The following ADAMTS18 variants were observed in gnomAD, a reference collection of about 807,000 sequenced individuals.
ADAMTS18 encodes the protein A disintegrin and metalloproteinase with thrombospondin motifs 18.
Under a neutral mutation model 165.9 loss-of-function variants are expected in ADAMTS18, and 157 were observed. That is an observed-to-expected ratio of 0.95 (90% CI 0.83 to 1.08). The LOEUF (loss-of-function observed/expected upper bound fraction) is 1.08. ADAMTS18 is among the 50% of genes least tolerant of loss of function. The pLI is 0.00. For missense variants in ADAMTS18, 2,040 were observed against 1,534.0 expected, an observed-to-expected ratio of 1.33 and a Z score of -5.51; for synonymous variants, 782 against 578.2, an observed-to-expected ratio of 1.35 and a Z score of -5.06.
chr16:77,396,653 C>A (rs1489308470), intron 3 of ADAMTS18, among the ~76,000 whole-genome samples: 1 of 152,140 alleles, frequency 6.6e-6, no homozygotes, highest in Non-Finnish European at 1.5e-5. Context: ...CAGGGGAAAT[C>A]CAAATTCCAA....
intron 12 of ADAMTS18, among the ~76,000 whole-genome samples, chr16:77,330,720 T>C (rs1222434284): frequency 6.6e-6 from 1 of 151,842 alleles, no homozygotes; most frequent in Non-Finnish European, 1.5e-5. Context: ...CAGATAGCAG[T>C]CAACAAAAAA....
intron 16 of ADAMTS18, among the ~76,000 whole-genome samples, chr16:77,317,556 A>G (rs2055910344): frequency 6.6e-6 from 1 of 152,106 alleles, no homozygotes; most frequent in South Asian, 2.1e-4. Context: ...CTGGTCTCGA[A>G]CTCCTGGCCT....
At chr16:77,359,587 G>A (rs1051478277) in intron 7 of ADAMTS18, among the ~76,000 whole-genome samples, 164 bp from the exon 8 acceptor site, 1 of 149,242 alleles carries the variant, frequency 6.7e-6, no homozygotes, top group Non-Finnish European at 1.5e-5. Context: ...TCTTTGTCCT[G>A]TGTAATGATA....
chr16:77,351,916 TAA>T (rs1167626413), intron 10 of ADAMTS18, among the ~76,000 whole-genome samples: 6 of 152,094 alleles, frequency 3.9e-5, no homozygotes, highest in African/African-American at 1.4e-4. Flanking sequence ...TTATTTTTTG[TAA>T]AGAGAGGGTC....
chr16:77,293,139 G>C lies in ADAMTS18; in HGVS notation c.3126C>G (p.Gly1042=). 1 of 1,613,998 alleles carries C rather than the reference G, an allele frequency of 6.2e-7. No individual in the cohort carries two copies. The highest frequency in any genetic ancestry group is 8.5e-7 in the Non-Finnish European group (1 of 1,179,984). Residue 1042 remains glycine (G), a synonymous_variant, in exon 20 of 23, where the codon GGC becomes GGG. Coordinates refer to ENST00000282849, the MANE Select transcript of ADAMTS18 (RefSeq NM_199355.4). ...TCTTGGGGCATCGTCCAAGCACACA[G>C]CCCTCCTGCAGCTCAGGTCTGGGGA... ...TSLPRPELQE[G]CVLGRCPKNS...
intron 3 of ADAMTS18, among the ~76,000 whole-genome samples, chr16:77,374,304 GGAAACCAGAC>G (rs1363241629): frequency 5.9e-5 from 9 of 151,978 alleles, no homozygotes; most frequent in Admixed American, 5.9e-4. Flanking sequence ...TATCAGAGAA[GGAAACCAGAC>G]ATAGGAAGTG....
chr16:77,370,699 G>C (rs1003773767), intron 3 of ADAMTS18, among the ~76,000 whole-genome samples: 2 of 152,064 alleles, frequency 1.3e-5, no homozygotes, highest in African/African-American at 4.8e-5. Context: ...ACAGTGAGCA[G>C]AGATCATGCC....
chr16:77,376,047 G>T (rs1164025570), intron 3 of ADAMTS18, among the ~76,000 whole-genome samples: 1 of 151,984 alleles, frequency 6.6e-6, no homozygotes, highest in Non-Finnish European at 1.5e-5. Context: ...GGGATTACAG[G>T]CATGGGCCAC....
At chr16:77,407,182 CTTTA>C (rs1366251098) in intron 3 of ADAMTS18, among the ~76,000 whole-genome samples, 3 of 151,988 alleles carry the variant, frequency 2.0e-5, no homozygotes, top group East Asian at 1.9e-4. Flanking sequence ...CAAAAATCAA[CTTTA>C]TTTATACCTA....
intron 12 of ADAMTS18, among the ~76,000 whole-genome samples, chr16:77,326,868 C>T (rs1182749118): frequency 1.3e-5 from 2 of 152,182 alleles, no homozygotes; most frequent in Non-Finnish European, 2.9e-5. Flanking sequence ...TCCTCTTCCT[C>T]CTCCAACCCT....
chr16:77,284,994 A>C (rs923489901), intron 22 of ADAMTS18, among the ~76,000 whole-genome samples: 3 of 151,174 alleles, frequency 2.0e-5, no homozygotes, highest in African/African-American at 7.4e-5. Flanking sequence ...GTTTGCAAGT[A>C]AATAAATTTA....
At chr16:77,338,769 C>A (rs947661866) in intron 11 of ADAMTS18, among the ~76,000 whole-genome samples, 1 of 151,396 alleles carries the variant, frequency 6.6e-6, no homozygotes, top group East Asian at 2.0e-4. Flanking sequence ...CTGGCTAATA[C>A]GGTGAAACCT....
intron 2 of ADAMTS18, among the ~76,000 whole-genome samples, chr16:77,433,855 A>T (rs1354662221): frequency 1.3e-5 from 2 of 152,154 alleles, no homozygotes; most frequent in East Asian, 3.9e-4. Flanking sequence ...TGGCTGGCGA[A>T]CGTCAGAAAA....
intron 12 of ADAMTS18, among the ~76,000 whole-genome samples, chr16:77,334,851 ATATAC>A (rs1567492244): frequency 8.0e-6 from 1 of 124,450 alleles, no homozygotes; most frequent in Admixed American, 8.6e-5. Context: ...AGTATATATA[ATATAC>A]TATAATGTAC....
At position 77,367,499 on chromosome 16, in the gene ADAMTS18, C is replaced by T. The variant is rs1388476255; in HGVS notation, c.720G>A (p.Glu240=). ...SHIPHASQSR[E]TEYHHRRLQK... ...GCAACCTTCGATGGTGATACTCTGTCTCTCGACTCTGAGATGCATGGGGAA... is the reference window on the plus strand; with the variant it reads ...GCAACCTTCGATGGTGATACTCTGTTTCTCGACTCTGAGATGCATGGGGAA... The change falls in exon 4 of 23, where the codon GAG becomes GAA. Residue 240 remains glutamate (E), a synonymous_variant. Coordinates refer to ENST00000282849, the MANE Select transcript of ADAMTS18 (RefSeq NM_199355.4). 6.2e-7 allele frequency: 1 copy of T among 1,614,222 alleles called. No homozygotes were observed. Among genetic ancestry groups the T allele is most frequent in the South Asian group, 1.1e-5 (1 of 91,088 alleles).
At chr16:77,408,959 TATG>T (rs2057426644) in intron 3 of ADAMTS18, among the ~76,000 whole-genome samples, 4 of 152,166 alleles carry the variant, frequency 2.6e-5, no homozygotes, top group Non-Finnish European at 5.9e-5. Context: ...TAATACAGTA[TATG>T]TTACACTTGT....
At chr16:77,355,595 A>T (rs1567508163) in intron 9 of ADAMTS18, among the ~76,000 whole-genome samples, 1 of 152,196 alleles carries the variant, frequency 6.6e-6, no homozygotes, top group Non-Finnish European at 1.5e-5. Context: ...TCCTAGAGTC[A>T]GAACAGATCT....
intron 22 of ADAMTS18, among the ~76,000 whole-genome samples, 159 bp downstream of exon 22, chr16:77,289,105 G>A (rs138499493): frequency 6.6e-6 from 1 of 152,232 alleles, no homozygotes; most frequent in East Asian, 1.9e-4. Context: ...TCCCCAGAGT[G>A]GTGCCTTATA....
chr16:77,362,334 G>A, intron 6 of ADAMTS18, 70 bp from the exon 7 acceptor site: 2 of 1,534,982 alleles, frequency 1.3e-6, no homozygotes, highest in Middle Eastern at 1.7e-4. Flanking sequence ...CATTCCATTT[G>A]TACAGGCAAA....
Sources: allele counts gnomAD v4.1 joint callset (sites outside exome capture counted in the v4.1 genomes callset), GRCh38; gene constraint gnomAD v4.1.1; transcripts MANE v1.5; gene names NCBI Gene and HGNC (gene_info 2026-07-23, HGNC 2026-07-21).